The following SLC25A21 variants were observed in gnomAD, a reference collection of about 807,000 sequenced individuals.
SLC25A21 encodes mitochondrial 2-oxodicarboxylate carrier.
In SLC25A21, 47 loss-of-function variants were observed where a neutral mutation model predicts 43.8. That is an observed-to-expected ratio of 1.07 (90% CI 0.85 to 1.37). SLC25A21 has a LOEUF of 1.37. Ranked by LOEUF, SLC25A21 falls within the 40% of genes most tolerant of loss-of-function variation. The probability of loss-of-function intolerance (pLI) is 0.00; values close to 1 mark genes in which losing one functional copy is unlikely to be tolerated. For synonymous variants in SLC25A21, 131 were observed against 121.3 expected, an observed-to-expected ratio of 1.08 and a Z score of -0.52; for missense variants, 352 against 350.2, an observed-to-expected ratio of 1.00 and a Z score of -0.04.
At chr14:37,022,790 A>G (rs1210705805) in intron 1 of SLC25A21, among the ~76,000 whole-genome samples, 1 of 152,062 alleles carries the variant, frequency 6.6e-6, no homozygotes, top group Non-Finnish European at 1.5e-5. Context: ...CTGAAAACTA[A>G]TATTGTTGTT....
chr14:36,774,934 A>C (rs1345276762), intron 3 of SLC25A21, among the ~76,000 whole-genome samples: 1 of 152,250 alleles, frequency 6.6e-6, no homozygotes, highest in Non-Finnish European at 1.5e-5. Flanking sequence ...CTATTTTAGA[A>C]ATAACGACAA....
intron 3 of SLC25A21, among the ~76,000 whole-genome samples, chr14:36,811,452 A>G (rs1183625225): frequency 6.6e-6 from 1 of 152,060 alleles, no homozygotes; most frequent in Non-Finnish European, 1.5e-5. Flanking sequence ...GGAGTTTGAG[A>G]CCAGCCTGGC....
intron 4 of SLC25A21, among the ~76,000 whole-genome samples, chr14:36,733,877 C>T (rs1312747814): frequency 2.0e-5 from 3 of 152,026 alleles, no homozygotes; most frequent in Admixed American, 6.6e-5. Flanking sequence ...TCTCCCTGTT[C>T]CTCTTCAGAT....
chr14:37,030,172 G>A (rs1012689554), intron 1 of SLC25A21, among the ~76,000 whole-genome samples: 3 of 152,008 alleles, frequency 2.0e-5, no homozygotes, highest in Non-Finnish European at 4.4e-5. Flanking sequence ...AAAATCATAA[G>A]AAAGAGAAAA....
chr14:36,795,497 T>C (rs548751779), intron 3 of SLC25A21, among the ~76,000 whole-genome samples: 1 of 152,360 alleles, frequency 6.6e-6, no homozygotes, highest in South Asian at 2.1e-4. Context: ...TAAAATAAAA[T>C]GTCAATCACT....
chr14:36,998,101 T>G (rs535847163), intron 1 of SLC25A21, among the ~76,000 whole-genome samples: 1 of 152,296 alleles, frequency 6.6e-6, no homozygotes, highest in African/African-American at 2.4e-5. Context: ...GGAACACTAG[T>G]TCTGCACAGT....
intron 2 of SLC25A21, among the ~76,000 whole-genome samples, chr14:36,839,496 T>C (rs78155841): frequency 9.6e-4 from 147 of 152,344 alleles, no homozygotes; most frequent in African/African-American, 3.3e-3. Context: ...CGCCACACTA[T>C]AGCATTAAGT....
intron 1 of SLC25A21, among the ~76,000 whole-genome samples, chr14:36,915,691 G>T (rs549452412): frequency 2.0e-4 from 31 of 152,154 alleles, no homozygotes; most frequent in African/African-American, 7.5e-4. Context: ...CATCCTAGAG[G>T]TATCATCACA....
intron 1 of SLC25A21, among the ~76,000 whole-genome samples, chr14:37,125,677 A>T (rs998517974): frequency 5.3e-5 from 8 of 152,188 alleles, no homozygotes; most frequent in African/African-American, 1.9e-4. Flanking sequence ...TAGGATATCA[A>T]TTATTTCTTT....
intron 2 of SLC25A21, among the ~76,000 whole-genome samples, chr14:36,834,624 T>C (rs1889147023): frequency 1.3e-5 from 2 of 152,026 alleles, no homozygotes; most frequent in South Asian, 4.1e-4. Context: ...ACTTTGGAAA[T>C]AAAGATACAA....
intron 3 of SLC25A21, among the ~76,000 whole-genome samples, chr14:36,812,390 T>C (rs531864689): frequency 1.3e-5 from 2 of 151,836 alleles, no homozygotes; most frequent in African/African-American, 4.8e-5. Flanking sequence ...ATGCATATCA[T>C]TTGATCCTGT....
intron 1 of SLC25A21, among the ~76,000 whole-genome samples, chr14:36,985,306 T>C (rs1960122264): frequency 6.6e-6 from 1 of 151,990 alleles, no homozygotes; most frequent in South Asian, 2.1e-4. Context: ...TGCACATGTA[T>C]ATATATGTAA....
intron 1 of SLC25A21, among the ~76,000 whole-genome samples, chr14:36,988,877 A>G (rs1010898524): frequency 1.7e-4 from 26 of 152,220 alleles, no homozygotes; most frequent in African/African-American, 6.0e-4. Context: ...GAAGTCTGTC[A>G]GTTACCTGCC....
rs111227682 is a variant in SLC25A21 at position 37,107,325 on chromosome 14, G to A, written c.70+64956C>T. On this transcript the variant is annotated intron_variant, in intron 1 of 9. Coordinates refer to ENST00000331299, the MANE Select transcript of SLC25A21 (RefSeq NM_030631.4). ...CCTGAGTAGCTAGGACTACAGGTAC[G>A]GGGCACTACACCTGACTAATTTTTT... is the stretch of plus-strand genomic sequence containing the variant. Among the ~76,000 whole-genome samples the A allele has an allele frequency of 2.7e-3, 409 of 151,886 alleles. 2 individuals carry two copies. Among genetic ancestry groups the A allele is most frequent in the African/African-American group, 9.2e-3 (380 of 41,404 alleles).
chr14:37,091,972 CA>C (rs1962595749), intron 1 of SLC25A21, among the ~76,000 whole-genome samples: 1 of 151,982 alleles, frequency 6.6e-6, no homozygotes, highest in African/African-American at 2.4e-5. Flanking sequence ...TACAAAAATA[CA>C]AAAATTAGCC....
At chr14:36,928,862 A>G (rs950820330) in intron 1 of SLC25A21, among the ~76,000 whole-genome samples, 5 of 152,280 alleles carry the variant, frequency 3.3e-5, no homozygotes, top group Middle Eastern at 3.4e-3. Context: ...TTGCAAGAAA[A>G]ACTAACACTA....
intron 2 of SLC25A21, among the ~76,000 whole-genome samples, chr14:36,845,307 A>G (rs976799727): frequency 1.3e-5 from 2 of 152,226 alleles, no homozygotes; most frequent in African/African-American, 4.8e-5. Flanking sequence ...ACAATATAGA[A>G]ATTGATGGAT....
chr14:36,793,288 GA>G (rs757572519), intron 3 of SLC25A21, among the ~76,000 whole-genome samples: 18 of 152,128 alleles, frequency 1.2e-4, no homozygotes, highest in Non-Finnish European at 1.2e-4. Flanking sequence ...ACAGAAATGG[GA>G]TGTTGGGGGA....
chr14:36,843,251 G>T (rs986771861), intron 2 of SLC25A21, among the ~76,000 whole-genome samples: 3 of 152,120 alleles, frequency 2.0e-5, no homozygotes, highest in African/African-American at 7.2e-5. Flanking sequence ...TGCCAGAGAG[G>T]GAAGAAACTG....
Sources: allele counts gnomAD v4.1 joint callset (sites outside exome capture counted in the v4.1 genomes callset), GRCh38; gene constraint gnomAD v4.1.1; transcripts MANE v1.5; gene names NCBI Gene and HGNC (gene_info 2026-07-23, HGNC 2026-07-21).